BTD: variants seen among roughly 807,000 people sequenced by gnomAD.
The protein encoded by BTD is biotinidase.
A neutral mutation model predicts 17.7 loss-of-function variants in BTD; 13 were observed. The ratio of observed to expected loss-of-function variants is 0.74; its 90% CI spans 0.48 to 1.17. The LOEUF (loss-of-function observed/expected upper bound fraction) is 1.17, where lower values mean the gene tolerates loss of function less well. BTD is among the 50% of genes most tolerant of loss of function. The pLI is 0.00. For synonymous variants in BTD, 240 were observed against 245.2 expected, an observed-to-expected ratio of 0.98 and a Z score of 0.20; for missense variants, 674 against 650.4, an observed-to-expected ratio of 1.04 and a Z score of -0.39.
intron 3 of BTD, among the ~76,000 whole-genome samples, chr3:15,660,914 A>G (rs983099066): frequency 2.0e-5 from 3 of 152,148 alleles, no homozygotes; most frequent in South Asian, 4.1e-4. Context: ...TTTTGTAAGA[A>G]ACTACCAAAA....
At chr3:15,613,836 A>C (rs2470541) in intron 1 of BTD, among the ~76,000 whole-genome samples, 38,454 of 151,898 alleles carry the variant, frequency 0.25, 5,019 homozygotes, top group African/African-American at 0.27. Context: ...TTCTTAGCAC[A>C]TTTAAGATTT....
At position 15,651,972 on chromosome 3, in the gene BTD, G is replaced by A. The variant is rs978843151; in HGVS notation, c.*6484G>A. Among the ~76,000 whole-genome samples the A allele has an allele frequency of 1.1e-4, 17 of 152,188 alleles. No homozygotes were observed. Among genetic ancestry groups the A allele is most frequent in the Admixed American group, 2.0e-4 (3 of 15,282 alleles). ...ACACTTCCCACATTTTTCTGGGGTC[G>A]TTTTGTGTAACCAATAAAATATGGC... On this transcript the variant is annotated 3_prime_UTR_variant, in exon 4 of 4. Coordinates refer to ENST00000643237, the MANE Select transcript of BTD (RefSeq NM_001370658.1).
chr3:15,611,788 GA>G (rs1410237350), intron 1 of BTD, among the ~76,000 whole-genome samples: 1 of 150,418 alleles, frequency 6.6e-6, no homozygotes, highest in African/African-American at 2.4e-5. Context: ...AAAAAAAAAA[GA>G]AAAAACAAAT....
rs967537254 is a variant in BTD at position 15,648,585 on chromosome 3, G to A, written c.*3097G>A. ...GGCTACAGTCAAGATGTCAGCCGAG[G>A]TGACAGTGAAGATATCAACCAAGGC... On this transcript the variant is annotated 3_prime_UTR_variant, in exon 4 of 4. Coordinates refer to ENST00000643237, the MANE Select transcript of BTD (RefSeq NM_001370658.1). 1.3e-5 allele frequency among the ~76,000 whole-genome samples: 2 copies of A among 152,212 alleles called. No individual in the cohort carries two copies. Among genetic ancestry groups the A allele is most frequent in the Non-Finnish European group, 2.9e-5 (2 of 68,026 alleles).
At chr3:15,694,951 A>G (rs1448262986) in intron 3 of BTD, 1 of 847,636 alleles carries the variant, frequency 1.2e-6, no homozygotes, top group Non-Finnish European at 1.9e-6. Flanking sequence ...TTATGAAAGT[A>G]TACTAAGGAC....
chr3:15,602,772 T>C (rs928009878), intron 1 of BTD, among the ~76,000 whole-genome samples: 1 of 152,108 alleles, frequency 6.6e-6, no homozygotes, highest in Non-Finnish European at 1.5e-5. Context: ...CCTCTTTTTC[T>C]CAACCCCTCA....
intron 3 of BTD, among the ~76,000 whole-genome samples, chr3:15,698,869 TCA>T (rs1436444857): frequency 1.3e-5 from 2 of 152,152 alleles, no homozygotes; most frequent in African/African-American, 4.8e-5. Context: ...ATGACTTTCT[TCA>T]CAGAATTGGA....
At chr3:15,675,590 T>A (rs569493551) in intron 3 of BTD, among the ~76,000 whole-genome samples, 1 of 152,248 alleles carries the variant, frequency 6.6e-6, no homozygotes, top group African/African-American at 2.4e-5. Context: ...TATTAGTACT[T>A]AACTAGGATC....
At chr3:15,684,486 G>T (rs142932747) in intron 3 of BTD, 1 of 152,246 alleles carries the variant, frequency 6.6e-6, no homozygotes, top group African/African-American at 2.4e-5. Flanking sequence ...ATGTTATCTT[G>T]CAATGTGCTC....
chr3:15,650,959 A>G lies in BTD; in HGVS notation c.*5471A>G, dbSNP rs1462933143. On this transcript the variant is annotated 3_prime_UTR_variant, in exon 4 of 4. Coordinates refer to ENST00000643237, the MANE Select transcript of BTD (RefSeq NM_001370658.1). ...TAATTTTTTGTATTTTTATAGAGAC[A>G]GGGTTTCACCATGTTAGCCAGGATG... 1.3e-5 allele frequency among the ~76,000 whole-genome samples: 2 copies of G among 152,154 alleles called. No homozygotes were observed. Among genetic ancestry groups the G allele is most frequent in the Non-Finnish European group, 2.9e-5 (2 of 68,032 alleles).
rs904882409 is a variant in BTD at position 15,644,314 on chromosome 3, A to G, written c.400-2A>G. 1 of 1,613,142 alleles carries G rather than the reference A, an allele frequency of 6.2e-7. No individual in the cohort carries two copies. Among genetic ancestry groups the G allele is most frequent in the African/African-American group, 1.3e-5 (1 of 74,916 alleles). ...ATTTATTTACACCTTTTTTTCCTCT[A>G]GGTGCTCCAGCGCCTGAGTTGTATG... On this transcript the variant is annotated splice_acceptor_variant, in intron 3 of 3. Transcript: ENST00000643237. LOFTEE classifies it high-confidence loss of function.
At chr3:15,603,581 C>G (rs774429630) in intron 1 of BTD, among the ~76,000 whole-genome samples, 57 of 152,052 alleles carry the variant, frequency 3.7e-4, no homozygotes, top group African/African-American at 1.4e-3. Flanking sequence ...GGTGTGAACC[C>G]GGGAGGCAGA....
chr3:15,625,965 G>A (rs1422463310), intron 1 of BTD, among the ~76,000 whole-genome samples: 2 of 152,128 alleles, frequency 1.3e-5, no homozygotes, highest in East Asian at 3.8e-4. Flanking sequence ...TATAAGTGTT[G>A]TCTTGATGTT....
chr3:15,633,247 A>T (rs2065259278), intron 1 of BTD, among the ~76,000 whole-genome samples: 1 of 152,106 alleles, frequency 6.6e-6, no homozygotes, highest in Non-Finnish European at 1.5e-5. Context: ...GGTTGGTGGA[A>T]TCCATGGATG....
Position 15,645,261 on chromosome 3 carries a change from G to A in BTD, c.1345G>A (p.Asp449Asn), listed in dbSNP as rs747944238. 4.5e-5 allele frequency: 73 copies of A among 1,614,026 alleles called. 2 individuals are homozygous for A. In the South Asian group the frequency reaches 5.5e-4, roughly 12 times the overall value. The change falls in exon 4 of 4, where the codon GAC becomes AAC. Residue 449 changes from aspartate (D) to asparagine (N), a missense_variant. Coordinates refer to ENST00000643237, the MANE Select transcript of BTD (RefSeq NM_001370658.1). The stretch of plus-strand genomic sequence containing the variant: ...GGTCAGGTGTGGGGGTCTTGGCTTC[G>A]ACACCTGTGGACAGGAAATCACAGA... The part of the protein sequence containing the change: ...ALVRCGGLGF[D>N]TCGQEITEAT...
At position 15,699,396 on chromosome 3, in the gene BTD, TCTAATTAAAC is replaced by T; in HGVS notation, c.400-10663_400-10654del. Among the ~76,000 whole-genome samples, 3 of 152,028 alleles carry T rather than the reference TCTAATTAAAC, an allele frequency of 2.0e-5. No homozygotes were observed. The East Asian group carries it at 5.8e-4, about 29-fold the overall frequency. ...CAGAAGCCAAAATAGACAAATGGGA[TCTAATTAAAC>T]TAAAGAGCTTCTGCACAGCAAAAGA... On this transcript the variant is annotated intron_variant, in intron 3 of 3. Transcript: ENST00000672141.
intron 3 of BTD, among the ~76,000 whole-genome samples, chr3:15,699,473 A>C (rs2070215783): frequency 6.6e-6 from 1 of 152,222 alleles, no homozygotes; most frequent in African/African-American, 2.4e-5. Flanking sequence ...GAATGGGAGA[A>C]AATTTTTGCA....
In BTD at chr3:15,612,923, G is replaced by A. The variant is rs527457249; in HGVS notation, c.-17+11029G>A. Reference sequence around the variant, plus strand: ...AGTTTTCTTCCAAATTCAACTGATCGTTGAAAGAATGAATTTCCTTGCAGT... The same window carrying A: ...AGTTTTCTTCCAAATTCAACTGATCATTGAAAGAATGAATTTCCTTGCAGT... On this transcript the variant is annotated intron_variant, in intron 1 of 3. Coordinates refer to ENST00000643237, the MANE Select transcript of BTD (RefSeq NM_001370658.1). 5.9e-5 allele frequency among the ~76,000 whole-genome samples: 9 copies of A among 152,268 alleles called. No individual in the cohort carries two copies. The East Asian group carries it at 9.6e-4, about 16-fold the overall frequency.
intron 3 of BTD, among the ~76,000 whole-genome samples, chr3:15,661,912 C>G (rs980875289): frequency 6.6e-6 from 1 of 152,204 alleles, no homozygotes; most frequent in African/African-American, 2.4e-5. Context: ...TGCCTTTGCT[C>G]CTTTGTCAAA....
Sources: allele counts gnomAD v4.1 joint callset (sites outside exome capture counted in the v4.1 genomes callset), GRCh38; gene constraint gnomAD v4.1.1; transcripts MANE v1.5; gene names NCBI Gene and HGNC (gene_info 2026-07-23, HGNC 2026-07-21).